The following MYO3A variants were observed in gnomAD, a reference collection of about 807,000 sequenced individuals.
The protein encoded by MYO3A is myosin-IIIa.
MYO3A carries 180 observed loss-of-function variants against 192.7 expected under a neutral mutation model. The ratio of observed to expected loss-of-function variants is 0.93; its 90% CI spans 0.83 to 1.06. The LOEUF is 1.06. MYO3A is among the 50% of genes least tolerant of loss of function. The pLI, the probability that MYO3A is intolerant of heterozygous loss-of-function variation, is 0.00. For missense variants in MYO3A, 1,896 were observed against 1,905.0 expected (o/e 1.00, Z 0.09); for synonymous variants, 628 against 645.3 (o/e 0.97, Z 0.41).
chr10:26,065,067 C>T (rs10828945), intron 10 of MYO3A, among the ~76,000 whole-genome samples: 3 of 151,862 alleles, frequency 2.0e-5, no homozygotes, highest in Non-Finnish European at 2.9e-5. Context: ...AGGAAAAAAC[C>T]GAAAAAGATA....
At chr10:25,941,534 A>G (rs539725668) in intron 2 of MYO3A, among the ~76,000 whole-genome samples, 8 of 152,050 alleles carry the variant, frequency 5.3e-5, no homozygotes, top group Non-Finnish European at 1.2e-4. Flanking sequence ...CTATCTTTTA[A>G]CTTGTTTTTC....
chr10:25,999,827 A>G (rs1241525033), intron 6 of MYO3A, among the ~76,000 whole-genome samples: 1 of 152,184 alleles, frequency 6.6e-6, no homozygotes, highest in Non-Finnish European at 1.5e-5. Context: ...GCTCAAAACG[A>G]AAATCTTAAG....
chr10:25,983,111 A>G (rs376070997), intron 4 of MYO3A, among the ~76,000 whole-genome samples: 1 of 152,088 alleles, frequency 6.6e-6, no homozygotes, highest in East Asian at 1.9e-4. Flanking sequence ...ATAAAAAACA[A>G]TCACAACTTC....
intron 10 of MYO3A, among the ~76,000 whole-genome samples, chr10:26,028,215 G>A (rs1232024682): frequency 6.6e-6 from 1 of 152,194 alleles, no homozygotes; most frequent in Non-Finnish European, 1.5e-5. Flanking sequence ...TAGCTGAAAA[G>A]AACTGAAGTT....
intron 17 of MYO3A, among the ~76,000 whole-genome samples, chr10:26,104,864 G>GATAC (rs945207490): frequency 2.5e-4 from 25 of 100,356 alleles, no homozygotes; most frequent in African/African-American, 8.3e-4. Context: ...CTTGTTTATA[G>GATAC]ATACACACAC....
At chr10:26,021,835 T>TAAGTAA in intron 8 of MYO3A, 187 bp downstream of exon 8, 2 of 725,712 alleles carry the variant, frequency 2.8e-6, no homozygotes, top group Non-Finnish European at 4.6e-6. Context: ...TTCCCTGGTC[T>TAAGTAA]AAGTAAAAGA....
intron 10 of MYO3A, among the ~76,000 whole-genome samples, chr10:26,058,335 C>T (rs12263998): frequency 0.47 from 71,887 of 151,926 alleles, 17,848 homozygotes; most frequent in Middle Eastern, 0.59. Context: ...CCTTTTAGCA[C>T]TGAAAATACA....
intron 2 of MYO3A, among the ~76,000 whole-genome samples, chr10:25,947,047 A>G (rs1464010075): frequency 1.3e-5 from 2 of 151,858 alleles, no homozygotes; most frequent in Non-Finnish European, 2.9e-5. Context: ...AACTCTCATA[A>G]TGTATATATT....
chr10:26,098,297 A>G (rs921809801), intron 17 of MYO3A, among the ~76,000 whole-genome samples: 1 of 152,148 alleles, frequency 6.6e-6, no homozygotes, highest in African/African-American at 2.4e-5. Flanking sequence ...AGCTATTTGT[A>G]GATTCTGGAT....
chr10:26,009,359 T>A (rs1420696934), intron 6 of MYO3A, among the ~76,000 whole-genome samples: 1 of 152,124 alleles, frequency 6.6e-6, no homozygotes. Flanking sequence ...ATTGTGCACA[T>A]GTACCCTAAA....
At chr10:25,974,702 T>A (rs1335714343) in intron 4 of MYO3A, among the ~76,000 whole-genome samples, 1 of 152,238 alleles carries the variant, frequency 6.6e-6, no homozygotes, top group Non-Finnish European at 1.5e-5. Context: ...GTTTCTTCGC[T>A]GACTGTATGC....
chr10:26,131,989 A>C (rs1158391035), intron 20 of MYO3A, among the ~76,000 whole-genome samples: 2 of 152,232 alleles, frequency 1.3e-5, no homozygotes, highest in Non-Finnish European at 2.9e-5. Flanking sequence ...TTCATATTTC[A>C]GCCTTCGCTA....
chr10:26,195,814 C>G (rs1279614962), intron 32 of MYO3A, among the ~76,000 whole-genome samples: 3 of 152,202 alleles, frequency 2.0e-5, no homozygotes, highest in South Asian at 2.1e-4. Flanking sequence ...AGAGCTCTTC[C>G]TATATCCTCC....
chr10:26,126,611 T>A (rs1839233223), intron 19 of MYO3A, among the ~76,000 whole-genome samples: 1 of 152,174 alleles, frequency 6.6e-6, no homozygotes, highest in Admixed American at 6.6e-5. Context: ...CTATATTATG[T>A]CAAGCATTCA....
intron 4 of MYO3A, among the ~76,000 whole-genome samples, chr10:25,958,925 T>C (rs1837736302): frequency 6.6e-6 from 1 of 152,124 alleles, no homozygotes; most frequent in South Asian, 2.1e-4. Context: ...ATTCATTTTG[T>C]GGCAATTTTA....
In MYO3A at chr10:25,995,844, G is replaced by C. The variant is rs182503063; in HGVS notation, c.304-646G>C. Among the ~76,000 whole-genome samples the C allele has an allele frequency of 3.7e-3, 562 of 152,352 alleles. 3 individuals carry two copies. The highest frequency in any genetic ancestry group is 0.013 in the African/African-American group (543 of 41,582). ...ATATTGCTGAACAGCAAATGTTGCTGTCTGATCGTTCCTCTGGAGGTTTTG... is the reference window on the plus strand; with the variant it reads ...ATATTGCTGAACAGCAAATGTTGCTCTCTGATCGTTCCTCTGGAGGTTTTG... On this transcript the variant is annotated intron_variant, in intron 4 of 34. Transcript: ENST00000642920.
intron 34 of MYO3A, among the ~76,000 whole-genome samples, chr10:26,210,982 GCA>G (rs3058661): frequency 1.9e-4 from 28 of 149,268 alleles, no homozygotes; most frequent in Non-Finnish European, 3.4e-4. Context: ...GTACACACAT[GCA>G]CACACACACA....
At chr10:26,067,137 C>A (rs3824695) in intron 11 of MYO3A, 63 bp downstream of exon 11, 1 of 1,085,138 alleles carries the variant, frequency 9.2e-7, no homozygotes, top group Non-Finnish European at 1.4e-6. Context: ...ATAGAAGACA[C>A]GGGTATTGGT....
At chr10:25,938,069 T>C (rs1836223599) in intron 2 of MYO3A, among the ~76,000 whole-genome samples, 1 of 152,214 alleles carries the variant, frequency 6.6e-6, no homozygotes, top group Non-Finnish European at 1.5e-5. Context: ...GCAAATTTAA[T>C]TTTTTGTAGG....
Sources: gnomAD v4.1 joint callset for allele counts (sites outside exome capture counted in the v4.1 genomes callset) on GRCh38, gnomAD v4.1.1 for gene constraint, MANE v1.5 for transcripts, NCBI Gene and HGNC (gene_info 2026-07-23, HGNC 2026-07-21) for gene names.